Variants in TMOD3 observed in about 807,000 individuals in gnomAD.
TMOD3 encodes the protein tropomodulin-3.
Under a neutral mutation model 39.2 loss-of-function variants are expected in TMOD3, and 20 were observed. That is an observed-to-expected ratio of 0.51 (90% CI 0.36 to 0.74). The LOEUF (loss-of-function observed/expected upper bound fraction) is 0.74, where lower values mean the gene tolerates loss of function less well. TMOD3 is among the 30% of genes least tolerant of loss of function. The pLI, the probability that TMOD3 is intolerant of heterozygous loss-of-function variation, is 0.00. For missense variants in TMOD3, 381 were observed against 412.8 expected, an observed-to-expected ratio of 0.92 and a Z score of 0.67; for synonymous variants, 143 against 145.8, an observed-to-expected ratio of 0.98 and a Z score of 0.14.
chr15:51,893,192 G>A (rs1216314136), intron 5 of TMOD3, among the ~76,000 whole-genome samples: 1 of 149,986 alleles, frequency 6.7e-6, no homozygotes, highest in Admixed American at 6.7e-5. Context: ...CTACTTGGGA[G>A]GCTGAGGCAG....
At chr15:51,863,674 G>A (rs937060564) in intron 2 of TMOD3, among the ~76,000 whole-genome samples, 2 of 152,306 alleles carry the variant, frequency 1.3e-5, no homozygotes, top group East Asian at 1.9e-4. Flanking sequence ...CCTGAAGGTC[G>A]TGAAGGTAAT....
intron 1 of TMOD3, among the ~76,000 whole-genome samples, chr15:51,842,627 G>C (rs1197785845): frequency 6.6e-6 from 1 of 152,150 alleles, no homozygotes; most frequent in Non-Finnish European, 1.5e-5. Context: ...CTAAGGTCAA[G>C]GTAGTGGGGC....
At chr15:51,860,384 T>C (rs1381659116) in intron 1 of TMOD3, 2 of 544,350 alleles carry the variant, frequency 3.7e-6, no homozygotes, top group Admixed American at 3.9e-5. Flanking sequence ...TGTTGGCTTT[T>C]TGAAATTCTT....
chr15:51,858,049 C>CTTAT (rs909372153), intron 1 of TMOD3: 1 of 151,758 alleles, frequency 6.6e-6, no homozygotes, highest in Non-Finnish European at 1.5e-5. Flanking sequence ...TGTAAGCTTG[C>CTTAT]TTATTTATTT....
At chr15:51,837,611 C>T (rs1379168129) in intron 1 of TMOD3, among the ~76,000 whole-genome samples, 1 of 152,126 alleles carries the variant, frequency 6.6e-6, no homozygotes, top group Non-Finnish European at 1.5e-5. Flanking sequence ...CAGAACCCTA[C>T]ACAGAAATGG....
chr15:51,862,768 GA>G, intron 1 of TMOD3, 42 bp from the exon 2 acceptor site: 1 of 966,254 alleles, frequency 1.0e-6, no homozygotes, highest in Non-Finnish European at 1.5e-6. Context: ...AGTAGGTGGA[GA>G]TGACTTACTA....
At chr15:51,839,656 C>G (rs1005289541) in intron 1 of TMOD3, among the ~76,000 whole-genome samples, 1 of 152,096 alleles carries the variant, frequency 6.6e-6, no homozygotes, top group Non-Finnish European at 1.5e-5. Flanking sequence ...AAACAATCCT[C>G]CTGCCTCAGT....
chr15:51,907,008 G>A (rs1268994187), intron 9 of TMOD3, among the ~76,000 whole-genome samples: 8 of 116,228 alleles, frequency 6.9e-5, no homozygotes, highest in Admixed American at 3.2e-4. Context: ...CAACAAGAGC[G>A]AAACTCCGTC....
At chr15:51,872,796 A>T (rs1405231973) in intron 3 of TMOD3, among the ~76,000 whole-genome samples, 2 of 152,116 alleles carry the variant, frequency 1.3e-5, no homozygotes, top group Non-Finnish European at 2.9e-5. Flanking sequence ...GTACACTGAA[A>T]TCACTGTAAA....
intron 6 of TMOD3, among the ~76,000 whole-genome samples, chr15:51,894,750 AGTTT>A (rs1334518913): frequency 2.6e-5 from 4 of 152,168 alleles, no homozygotes; most frequent in Admixed American, 6.5e-5. Flanking sequence ...GATACGCTGC[AGTTT>A]GTTTATCTGT....
At chr15:51,872,240 CA>C (rs2056478542) in intron 3 of TMOD3, among the ~76,000 whole-genome samples, 1 of 152,084 alleles carries the variant, frequency 6.6e-6, no homozygotes, top group Non-Finnish European at 1.5e-5. Flanking sequence ...ACTAAAAATA[CA>C]AAATAGCTGG....
chr15:51,894,460 T>C (rs2056610949), intron 6 of TMOD3, among the ~76,000 whole-genome samples: 1 of 152,224 alleles, frequency 6.6e-6, no homozygotes, highest in Admixed American at 6.5e-5. Context: ...TCCCTTTTAG[T>C]GTCCAGTTCT....
At chr15:51,848,742 C>T (rs993053926) in intron 1 of TMOD3, among the ~76,000 whole-genome samples, 2 of 152,192 alleles carry the variant, frequency 1.3e-5, no homozygotes, top group African/African-American at 4.8e-5. Flanking sequence ...TAAAAGTAAA[C>T]ATATATAATC....
intron 3 of TMOD3, among the ~76,000 whole-genome samples, chr15:51,878,201 C>G (rs1196493057): frequency 6.6e-6 from 1 of 152,216 alleles, no homozygotes; most frequent in African/African-American, 2.4e-5. Context: ...TCATAGGGAT[C>G]ACTGTCCTTT....
At chr15:51,835,900 T>C (rs980680118) in intron 1 of TMOD3, among the ~76,000 whole-genome samples, 7 of 152,190 alleles carry the variant, frequency 4.6e-5, no homozygotes, top group Non-Finnish European at 8.8e-5. Flanking sequence ...GAGTTGTAAC[T>C]AGTGAATGCT....
At chr15:51,859,881 G>A in intron 1 of TMOD3, 3 of 534,566 alleles carry the variant, frequency 5.6e-6, no homozygotes, top group Non-Finnish European at 1.1e-5. Flanking sequence ...AATTCTGGCA[G>A]AAGCTTGAGT....
chr15:51,846,153 C>CAAA (rs71130104), intron 1 of TMOD3, among the ~76,000 whole-genome samples: 3 of 138,202 alleles, frequency 2.2e-5, no homozygotes, highest in African/African-American at 8.1e-5. Context: ...CCATTTCTAC[C>CAAA]AAAAAAAAAA....
rs1175934576 is a variant in TMOD3 at position 51,911,385 on chromosome 15, G to A, written c.*2575G>A. ...ACTGAAAGAAATGATTTCTTCATAA[G>A]TGACATTAAATATGAACATTCATCC... is the stretch of plus-strand genomic sequence containing the variant. On this transcript the variant is annotated 3_prime_UTR_variant, in exon 10 of 10. Coordinates refer to ENST00000308580, the MANE Select transcript of TMOD3 (RefSeq NM_014547.5). The A allele has an allele frequency of 6.6e-6, 1 of 152,126 alleles. No individual in the cohort carries two copies. Among genetic ancestry groups the A allele is most frequent in the Non-Finnish European group, 1.5e-5 (1 of 68,026 alleles). The allele number at this position is 152,126 out of a possible 1,614,324, so 9.4% of individuals were successfully genotyped here. A position where few individuals can be genotyped will look rare whatever the true frequency, so the allele number is the denominator to read the frequency against.
chr15:51,876,767 C>CT (rs970312745), intron 3 of TMOD3, among the ~76,000 whole-genome samples: 8 of 151,910 alleles, frequency 5.3e-5, no homozygotes, highest in Admixed American at 2.0e-4. Context: ...GGCCCCAGCG[C>CT]TTTTTTTAAA....
Sources: gnomAD v4.1 joint callset for allele counts (sites outside exome capture counted in the v4.1 genomes callset) on GRCh38, gnomAD v4.1.1 for gene constraint, MANE v1.5 for transcripts, NCBI Gene and HGNC (gene_info 2026-07-23, HGNC 2026-07-21) for gene names.